Variants in CUBN observed in about 807,000 individuals in gnomAD.
CUBN encodes 460 kDa receptor.
Under a neutral mutation model 405.3 loss-of-function variants are expected in CUBN, and 282 were observed. The ratio of observed to expected loss-of-function variants is 0.70; its 90% CI spans 0.63 to 0.77. The LOEUF is 0.77. Among genes scored for constraint, CUBN ranks in the 30% least tolerant of loss-of-function variants. The probability of loss-of-function intolerance (pLI) is 0.00; values close to 1 mark genes in which losing one functional copy is unlikely to be tolerated. For missense variants in CUBN, 4,514 were observed against 4,475.2 expected (o/e 1.01, Z -0.25); for synonymous variants, 1,684 against 1,617.0 (o/e 1.04, Z -0.99).
In CUBN at chr10:16,989,768, T is replaced by C. The variant is rs573134932; in HGVS notation, c.4350+566A>G. Among the ~76,000 whole-genome samples the C allele has an allele frequency of 6.2e-4, 95 of 152,296 alleles. 1 individual carries two copies. In the South Asian group the frequency reaches 0.014, roughly 23 times the overall value. On this transcript the variant is annotated intron_variant, in intron 29 of 66. Transcript: ENST00000377833. ...CATGCTACCTAGGTGGCCATTTTTTTACAAAAGCGCTCTGCGGCAGATGGC... is the reference window on the plus strand; with the variant it reads ...CATGCTACCTAGGTGGCCATTTTTTCACAAAAGCGCTCTGCGGCAGATGGC...
intron 27 of CUBN, among the ~76,000 whole-genome samples, chr10:17,024,335 GA>G (rs1834595323): frequency 6.6e-6 from 1 of 152,114 alleles, no homozygotes; most frequent in South Asian, 2.1e-4. Flanking sequence ...CCCCTCAGTA[GA>G]AATCAACTTT....
At chr10:17,097,867 G>GT (rs77065263) in intron 14 of CUBN, among the ~76,000 whole-genome samples, 130 of 151,508 alleles carry the variant, frequency 8.6e-4, no homozygotes, top group African/African-American at 2.9e-3. Context: ...AAAGGTGTGG[G>GT]TTTTTTTTTA....
intron 27 of CUBN, among the ~76,000 whole-genome samples, chr10:17,020,228 T>A (rs1834454309): frequency 6.6e-6 from 1 of 152,192 alleles, no homozygotes; most frequent in Non-Finnish European, 1.5e-5. Flanking sequence ...AACTTTTGGT[T>A]TTATGTCAAC....
chr10:17,040,900 A>G, intron 27 of CUBN, 133 bp downstream of exon 27: 1 of 769,512 alleles, frequency 1.3e-6, no homozygotes, highest in Admixed American at 1.9e-5. Flanking sequence ...TTCAAATACC[A>G]TGGGTGGTTG....
intron 31 of CUBN, 134 bp downstream of exon 31, chr10:16,982,350 G>A: frequency 1.3e-6 from 1 of 760,736 alleles, no homozygotes; most frequent in South Asian, 1.5e-5. Flanking sequence ...TATATTTTAA[G>A]TTGCCAATAG....
rs1229084159 is a variant in CUBN, at chr10:17,071,903, A to C, written c.2370T>G (p.Ile790Met). ...GNGTISHIKS[I>M]TNSVWIRFKI... Reference sequence around the variant, plus strand: ...TAAACCTGATCCAGACACTATTAGTAATGGATTTAATGTGAGAGATGGTTC... The same window carrying C: ...TAAACCTGATCCAGACACTATTAGTCATGGATTTAATGTGAGAGATGGTTC... The change falls in exon 18 of 67, where the codon ATT (isoleucine) becomes ATG (methionine). Residue 790 changes from isoleucine to methionine, a missense_variant. By Grantham distance (10) the Ile-to-Met change is conservative. Around this residue, in one of 5 missense-constraint regions of CUBN, gnomAD observed 1,448 missense variants for 1,388.0 expected, o/e 1.04. Transcript: ENST00000377833. 1 of 1,612,652 alleles carries C rather than the reference A, an allele frequency of 6.2e-7. No individual in the cohort carries two copies. The highest frequency in any genetic ancestry group is 8.5e-7 in the Non-Finnish European group (1 of 1,179,162).
intron 39 of CUBN, among the ~76,000 whole-genome samples, chr10:16,935,767 C>T (rs1176462654): frequency 6.7e-6 from 1 of 149,964 alleles, no homozygotes; most frequent in Non-Finnish European, 1.5e-5. Context: ...GTAGTCCTAG[C>T]TACTTGGGAG....
At chr10:17,026,107 G>C (rs186185699) in intron 27 of CUBN, among the ~76,000 whole-genome samples, 105 of 152,268 alleles carry the variant, frequency 6.9e-4, no homozygotes, top group Non-Finnish European at 1.3e-3. Flanking sequence ...TGGAGATCCA[G>C]AAGGATGGGA....
rs776704427 is a variant in CUBN, at chr10:17,071,968, G to A, written c.2305C>T (p.Arg769Ter). Residue 769 changes from arginine to a stop codon, truncating the protein, a stop_gained, in exon 18 of 67, where the codon CGA (arginine) becomes TGA (stop). Transcript: ENST00000377833. LOFTEE classifies it high-confidence loss of function. ...SDSSQNYIEV[R>*]DGETLLGKVC... The stretch of plus-strand genomic sequence containing the variant: ...TTTCCAAGTAAGGTTTCACCATCTC[G>A]AACCTAAAGAGAAAAATAAAATAGA... The A allele has an allele frequency of 9.3e-6, 15 of 1,609,824 alleles. No individual in the cohort carries two copies. Among genetic ancestry groups the A allele is most frequent in the Admixed American group, 1.7e-5 (1 of 59,740 alleles).
chr10:17,058,782 G>A (rs973209488), intron 22 of CUBN, among the ~76,000 whole-genome samples: 1 of 152,010 alleles, frequency 6.6e-6, no homozygotes, highest in Non-Finnish European at 1.5e-5. Context: ...TTCCTCTTGT[G>A]ATTTTCAACA....
intron 60 of CUBN, among the ~76,000 whole-genome samples, chr10:16,847,219 G>A (rs971541234): frequency 8.5e-5 from 13 of 152,172 alleles, no homozygotes; most frequent in Non-Finnish European, 1.6e-4. Context: ...TTGGGAGGCC[G>A]AGGCGGGCGG....
chr10:16,986,387 G>T (rs1272272058), intron 29 of CUBN, among the ~76,000 whole-genome samples: 1 of 152,166 alleles, frequency 6.6e-6, no homozygotes, highest in African/African-American at 2.4e-5. Context: ...GTTCTCTGGG[G>T]AGAGGGAGTG....
chr10:16,918,452 G>A (rs1249916995), intron 45 of CUBN, among the ~76,000 whole-genome samples, 170 bp downstream of exon 45: 2 of 152,042 alleles, frequency 1.3e-5, no homozygotes, highest in Non-Finnish European at 2.9e-5. Flanking sequence ...TTGATAGGGT[G>A]GAGGGTGGGA....
rs774708250 is a variant in CUBN, at chr10:16,918,687, A to T, written c.6935T>A (p.Met2312Lys). 6.2e-7 allele frequency: 1 copy of T among 1,613,980 alleles called. No homozygotes were observed. The highest frequency in any genetic ancestry group is 8.5e-7 in the Non-Finnish European group (1 of 1,179,894). The change falls in exon 45 of 67, where the codon ATG becomes AAG. Residue 2312 changes from methionine to lysine, a missense_variant. Physicochemically the swap from Met to Lys is moderately conservative, Grantham distance 95. Transcript: ENST00000377833. ...PSSQWSSGEV[M>K]YLRFRSDNSP... ...GTTGTCAGATCGAAATCTCAAATAC[A>T]TAACCTCTCCTGAGGACCACTGACT...
At position 16,840,944 on chromosome 10, in the gene CUBN, A is replaced by C; in HGVS notation, c.9767T>G (p.Phe3256Cys). The change falls in exon 61 of 67, where the codon TTC becomes TGC. Residue 3256 changes from phenylalanine (F) to cysteine (C), a missense_variant. Phe to Cys is a radical substitution (Grantham distance 205). Coordinates refer to ENST00000377833, the MANE Select transcript of CUBN (RefSeq NM_001081.4). ...CCTCTCTAATGTTAAGTCACTGATG[A>C]ATTGAACCGTAAGGAAGTTACCAGA... The part of the protein sequence containing the change: ...ISSGNFLTVQ[F>C]ISDLTLEREG... The C allele has an allele frequency of 6.2e-7, 1 of 1,613,776 alleles. No individual in the cohort carries two copies. Among genetic ancestry groups the C allele is most frequent in the Non-Finnish European group, 8.5e-7 (1 of 1,179,774 alleles).
intron 31 of CUBN, among the ~76,000 whole-genome samples, chr10:16,961,101 G>A (rs1421195366): frequency 6.6e-6 from 1 of 152,134 alleles, no homozygotes; most frequent in African/African-American, 2.4e-5. Flanking sequence ...TGTAGTCAGG[G>A]TCTTACCCTG....
chr10:17,041,352 ATG>A (rs1835015445), intron 26 of CUBN, 132 bp from the exon 27 acceptor site: 2 of 707,970 alleles, frequency 2.8e-6, no homozygotes, highest in East Asian at 5.4e-5. Flanking sequence ...ATGTGTATAT[ATG>A]TGTGTGTATA....
chr10:16,991,289 A>G (rs1487862470), intron 28 of CUBN, among the ~76,000 whole-genome samples: 2 of 152,222 alleles, frequency 1.3e-5, no homozygotes, highest in Non-Finnish European at 2.9e-5. Flanking sequence ...TAAGGACCAC[A>G]TGAGGTAGGT....
chr10:17,036,723 A>G (rs1834910010), intron 27 of CUBN, among the ~76,000 whole-genome samples: 2 of 152,340 alleles, frequency 1.3e-5, no homozygotes, highest in Admixed American at 6.5e-5. Flanking sequence ...ACTAAAAATA[A>G]TTTGTCAACA....
Sources: gnomAD v4.1 joint callset for allele counts (sites outside exome capture counted in the v4.1 genomes callset) on GRCh38, gnomAD v4.1.1 for gene constraint, gnomAD v4.1.1 regional missense constraint, MANE v1.5 for transcripts, NCBI Gene and HGNC (gene_info 2026-07-23, HGNC 2026-07-21) for gene names.